The following CCSER1 variants were observed in gnomAD, a reference collection of about 807,000 sequenced individuals.
CCSER1 encodes serine-rich coiled-coil domain-containing protein 1.
Under a neutral mutation model 82.0 loss-of-function variants are expected in CCSER1, and 41 were observed. The observed-to-expected ratio is 0.50, with a 90% CI of 0.39 to 0.65. The LOEUF (loss-of-function observed/expected upper bound fraction) is 0.65, where lower values mean the gene tolerates loss of function less well. Ranked by LOEUF, CCSER1 falls within the 30% of genes least tolerant of loss-of-function variation. CCSER1 has a pLI of 0.00. For synonymous variants in CCSER1, 414 were observed against 383.9 expected (o/e 1.08, Z -0.92); for missense variants, 1,119 against 1,064.2 (o/e 1.05, Z -0.72).
intron 4 of CCSER1, among the ~76,000 whole-genome samples, chr4:90,423,464 T>G (rs1757029962): frequency 6.6e-6 from 1 of 152,098 alleles, no homozygotes; most frequent in African/African-American, 2.4e-5. Flanking sequence ...GATGTCGTGA[T>G]CTGCCTGCCT....
At chr4:90,929,684 G>T (rs1037045068) in intron 9 of CCSER1, among the ~76,000 whole-genome samples, 4 of 152,114 alleles carry the variant, frequency 2.6e-5, no homozygotes, top group African/African-American at 9.7e-5. Flanking sequence ...ATCTATGAAA[G>T]TTCTTATAAT....
intron 1 of CCSER1, among the ~76,000 whole-genome samples, chr4:90,272,458 G>A (rs1726720443): frequency 6.6e-6 from 1 of 152,072 alleles, no homozygotes; most frequent in Admixed American, 6.6e-5. Flanking sequence ...CGCTGTTGGT[G>A]GGAATGTAAA....
chr4:90,151,294 T>G (rs1726791822), intron 1 of CCSER1, among the ~76,000 whole-genome samples: 1 of 152,088 alleles, frequency 6.6e-6, no homozygotes, highest in South Asian at 2.1e-4. Flanking sequence ...TATTTTAGAT[T>G]TATTAATGAA....
intron 7 of CCSER1, among the ~76,000 whole-genome samples, chr4:90,756,661 AT>A (rs1392686053): frequency 2.6e-5 from 4 of 152,140 alleles, no homozygotes; most frequent in Non-Finnish European, 5.9e-5. Context: ...TTCTCTTACA[AT>A]TTTTTAGAAG....
At chr4:91,368,268 A>G (rs374821760) in intron 10 of CCSER1, among the ~76,000 whole-genome samples, 4 of 152,274 alleles carry the variant, frequency 2.6e-5, no homozygotes, top group African/African-American at 9.6e-5. Flanking sequence ...ATTAAATTCA[A>G]TGTTCTCAAA....
chr4:91,116,407 G>T (rs566840109), intron 10 of CCSER1, among the ~76,000 whole-genome samples: 9 of 152,234 alleles, frequency 5.9e-5, no homozygotes, highest in African/African-American at 2.2e-4. Context: ...TGATGAGAGG[G>T]CATGCTCTTT....
chr4:91,310,991 T>C (rs1483307390), intron 10 of CCSER1, among the ~76,000 whole-genome samples: 1 of 151,980 alleles, frequency 6.6e-6, no homozygotes, highest in Non-Finnish European at 1.5e-5. Flanking sequence ...AAGAAATAAC[T>C]TTTAAAATAG....
intron 10 of CCSER1, among the ~76,000 whole-genome samples, chr4:91,142,559 G>A (rs1729140516): frequency 6.6e-6 from 1 of 152,070 alleles, no homozygotes; most frequent in Non-Finnish European, 1.5e-5. Context: ...CCAACATGGT[G>A]TTTCCTCAGT....
chr4:90,397,280 G>A lies in CCSER1; in HGVS notation c.1510-2756G>A, dbSNP rs533729178. Among the ~76,000 whole-genome samples the A allele has an allele frequency of 9.8e-5, 15 of 152,290 alleles. No individual in the cohort carries two copies. The South Asian group carries it at 2.3e-3, about 23-fold the overall frequency. ...AGGAAAATAAAATGAGAACAATGTC[G>A]TGAATTTTCCAAATTTAGTTTGTTC... On this transcript the variant is annotated intron_variant, in intron 3 of 10. Coordinates refer to ENST00000509176, the MANE Select transcript of CCSER1 (RefSeq NM_001145065.2).
chr4:91,252,414 AAAGAT>A (rs148213151), intron 10 of CCSER1, among the ~76,000 whole-genome samples: 7 of 152,288 alleles, frequency 4.6e-5, no homozygotes, highest in African/African-American at 7.2e-5. Context: ...AGATTTAAAT[AAAGAT>A]AAGTACATGG....
chr4:90,357,651 A>G (rs958374870), intron 3 of CCSER1, among the ~76,000 whole-genome samples: 2 of 152,046 alleles, frequency 1.3e-5, no homozygotes, highest in African/African-American at 2.4e-5. Context: ...GAATTGTATT[A>G]AAAAAGGAAT....
chr4:91,289,629 AAG>A (rs1172657334), intron 10 of CCSER1, among the ~76,000 whole-genome samples: 1 of 152,024 alleles, frequency 6.6e-6, no homozygotes, highest in Non-Finnish European at 1.5e-5. Context: ...TATGAACTTG[AAG>A]AGAGAGGTCA....
At chr4:90,636,228 C>G (rs1228950450) in intron 6 of CCSER1, among the ~76,000 whole-genome samples, 1 of 151,730 alleles carries the variant, frequency 6.6e-6, no homozygotes, top group Non-Finnish European at 1.5e-5. Flanking sequence ...AAAAATACAG[C>G]TTTCCAAAGT....
chr4:90,985,594 A>G (rs1393296252), intron 9 of CCSER1, among the ~76,000 whole-genome samples: 1 of 151,560 alleles, frequency 6.6e-6, no homozygotes, highest in Non-Finnish European at 1.5e-5. Flanking sequence ...AGGTGCTTCT[A>G]ATTTTTTTAT....
chr4:90,836,493 G>A (rs1314830452), intron 8 of CCSER1, among the ~76,000 whole-genome samples: 3 of 152,104 alleles, frequency 2.0e-5, no homozygotes, highest in African/African-American at 4.8e-5. Context: ...TAAGACATAT[G>A]GACAAATTCC....
chr4:90,634,442 T>C lies in CCSER1; in HGVS notation c.1932+6210T>C, dbSNP rs540148224. Among the ~76,000 whole-genome samples, 5 of 151,958 alleles carry C rather than the reference T, an allele frequency of 3.3e-5. No individual in the cohort carries two copies. In the East Asian group the frequency reaches 9.6e-4, roughly 29 times the overall value. On this transcript the variant is annotated intron_variant, in intron 6 of 10. Transcript: ENST00000509176. ...AAGGATAATATTCAATGCAAAATTT[T>C]TGGTTTTTTTTCAGCGTAATTTGCA...
intron 9 of CCSER1, among the ~76,000 whole-genome samples, chr4:91,020,288 C>T (rs919195528): frequency 6.6e-6 from 1 of 152,178 alleles, no homozygotes; most frequent in Non-Finnish European, 1.5e-5. Context: ...ACACTTATTT[C>T]TTGAATGATA....
intron 4 of CCSER1, among the ~76,000 whole-genome samples, chr4:90,466,073 T>C (rs377297574): frequency 1.9e-4 from 29 of 152,324 alleles, no homozygotes; most frequent in East Asian, 1.5e-3. Flanking sequence ...CTCCAGCCCT[T>C]AATTTTTATT....
rs540054848 is a variant in CCSER1 at position 90,665,985 on chromosome 4, C to T, written c.1932+37753C>T. 3.9e-5 allele frequency among the ~76,000 whole-genome samples: 6 copies of T among 152,198 alleles called. No homozygotes were observed. The South Asian group carries it at 1.0e-3, about 26-fold the overall frequency. On this transcript the variant is annotated intron_variant, in intron 6 of 10. Coordinates refer to ENST00000509176, the MANE Select transcript of CCSER1 (RefSeq NM_001145065.2). ...TTTCCTTGTTGCTGTTGGCTGACTTCCCCATTTCCTTACAGGCCTGGAGCC... is the reference window on the plus strand; with the variant it reads ...TTTCCTTGTTGCTGTTGGCTGACTTTCCCATTTCCTTACAGGCCTGGAGCC...
Sources: allele counts gnomAD v4.1 joint callset (sites outside exome capture counted in the v4.1 genomes callset), GRCh38; gene constraint gnomAD v4.1.1; transcripts MANE v1.5; gene names NCBI Gene and HGNC (gene_info 2026-07-23, HGNC 2026-07-21).